RASEF: variants seen among roughly 807,000 people sequenced by gnomAD.
RASEF encodes RAS and EF-hand domain containing.
In RASEF, 68 loss-of-function variants were observed where a neutral mutation model predicts 90.1. The observed-to-expected ratio is 0.75, with a 90% CI of 0.62 to 0.92. RASEF has a LOEUF of 0.92. RASEF is among the 40% of genes least tolerant of loss of function. RASEF has a pLI of 0.00. For missense variants in RASEF, 949 were observed against 937.2 expected (o/e 1.01, Z -0.16); for synonymous variants, 331 against 345.2 (o/e 0.96, Z 0.46).
intron 16 of RASEF, 117 bp from the exon 17 acceptor site, chr9:82,982,899 G>A (rs1451896205): frequency 2.9e-6 from 2 of 697,740 alleles, no homozygotes; most frequent in East Asian, 2.6e-5. Context: ...CATGCTGAGT[G>A]TCTGCACGGC....
At chr9:83,082,736 G>A in the RASEF span, among the ~76,000 whole-genome samples, 3 of 152,178 alleles carry the variant, frequency 2.0e-5, no homozygotes, top group Non-Finnish European at 4.4e-5. Flanking sequence ...AATATATTAT[G>A]TCTCCCTTTC....
the RASEF span, among the ~76,000 whole-genome samples, chr9:83,109,957 C>A: frequency 6.6e-6 from 1 of 152,120 alleles, no homozygotes; most frequent in African/African-American, 2.4e-5. Context: ...TCCCATTTTC[C>A]AATTTTTGTA....
chr9:82,984,717 T>A (rs1587472334), intron 16 of RASEF, among the ~76,000 whole-genome samples: 1 of 152,180 alleles, frequency 6.6e-6, no homozygotes. Flanking sequence ...TATTTAAGCC[T>A]CTACATCTGT....
the RASEF span, among the ~76,000 whole-genome samples, chr9:83,123,563 C>T: frequency 7.0e-6 from 1 of 142,150 alleles, no homozygotes; most frequent in Non-Finnish European, 1.5e-5. Flanking sequence ...GCTTCCTCAG[C>T]CCATCCTCAG....
At chr9:82,999,252 T>C (rs1334934174) in intron 12 of RASEF, among the ~76,000 whole-genome samples, 1 of 152,246 alleles carries the variant, frequency 6.6e-6, no homozygotes, top group Non-Finnish European at 1.5e-5. Context: ...TCTATTGTTC[T>C]GTTGTGAAGG....
rs1828583415 is a variant in RASEF, at chr9:82,980,771, C to T, written c.*1906G>A. On this transcript the variant is annotated 3_prime_UTR_variant, in exon 17 of 17. Coordinates refer to ENST00000376447, the MANE Select transcript of RASEF (RefSeq NM_152573.4). ...TTTCCCATGCCACATAAATAATACCCCCCTTATTTTGAAAAATTTCCCATA... is the reference window on the plus strand; with the variant it reads ...TTTCCCATGCCACATAAATAATACCTCCCTTATTTTGAAAAATTTCCCATA... 1 of 152,104 alleles carries T rather than the reference C, an allele frequency of 6.6e-6. No homozygotes were observed. The highest frequency in any genetic ancestry group is 2.1e-4 in the South Asian group (1 of 4,826). The allele number at this position is 152,104 out of a possible 1,614,324, so 9.4% of individuals were successfully genotyped here.
At chr9:83,085,147 T>C in the RASEF span, among the ~76,000 whole-genome samples, 2 of 152,206 alleles carry the variant, frequency 1.3e-5, no homozygotes, top group South Asian at 4.1e-4. Context: ...AAGCCACAGC[T>C]ATCACCATAC....
chr9:83,065,081 CAAAACA>C (rs1830270658), upstream of RASEF, among the ~76,000 whole-genome samples: 1 of 152,064 alleles, frequency 6.6e-6, no homozygotes, highest in Non-Finnish European at 1.5e-5. Flanking sequence ...ACAAAAAACA[CAAAACA>C]AAAACAAAAA....
chr9:83,122,370 A>G, the RASEF span, among the ~76,000 whole-genome samples: 1 of 152,262 alleles, frequency 6.6e-6, no homozygotes, highest in Non-Finnish European at 1.5e-5. Flanking sequence ...AACTAATAAC[A>G]TAATGGGTGA....
chr9:83,090,463 G>A, the RASEF span, among the ~76,000 whole-genome samples: 1 of 151,788 alleles, frequency 6.6e-6, no homozygotes, highest in Non-Finnish European at 1.5e-5. Context: ...GAGTGCAGTG[G>A]TACAGTCTTG....
At chr9:83,038,406 A>G (rs893804908) in intron 1 of RASEF, among the ~76,000 whole-genome samples, 3 of 152,172 alleles carry the variant, frequency 2.0e-5, no homozygotes, top group Non-Finnish European at 4.4e-5. Context: ...TCAACTGCTG[A>G]TGTCAACAAT....
At chr9:83,151,168 T>C in the RASEF span, among the ~76,000 whole-genome samples, 1 of 152,186 alleles carries the variant, frequency 6.6e-6, no homozygotes, top group Admixed American at 6.6e-5. Flanking sequence ...CGCATAATGA[T>C]AATAAAAACA....
chr9:82,998,840 C>T (rs1040010993), intron 12 of RASEF, among the ~76,000 whole-genome samples: 4 of 151,912 alleles, frequency 2.6e-5, no homozygotes, highest in Non-Finnish European at 4.4e-5. Context: ...GGTGCAGATA[C>T]GTGTTTTGTG....
chr9:82,986,821 T>G lies in RASEF; in HGVS notation c.2117+3570A>C, dbSNP rs552993941. 2.6e-5 allele frequency among the ~76,000 whole-genome samples: 4 copies of G among 152,342 alleles called. No homozygotes were observed. In the East Asian group the frequency reaches 7.7e-4, roughly 29 times the overall value. On this transcript the variant is annotated intron_variant, in intron 16 of 16. Transcript: ENST00000376447. Reference sequence around the variant, plus strand: ...TTGAACTTGAATCTACTGCAAAATGTTTAAAGCCTGTGGTTCTGGTGATGG... The same window carrying G: ...TTGAACTTGAATCTACTGCAAAATGGTTAAAGCCTGTGGTTCTGGTGATGG...
At chr9:83,019,125 T>G (rs1829397691) in intron 3 of RASEF, among the ~76,000 whole-genome samples, 1 of 151,916 alleles carries the variant, frequency 6.6e-6, no homozygotes, top group East Asian at 1.9e-4. Flanking sequence ...AAAAGTATGG[T>G]CCATAAAAAA....
At chr9:83,095,994 G>T in the RASEF span, among the ~76,000 whole-genome samples, 1 of 152,162 alleles carries the variant, frequency 6.6e-6, no homozygotes, top group Admixed American at 6.5e-5. Flanking sequence ...TAATCTGTCA[G>T]CAACCACTCA....
At chr9:83,214,134 C>T in the RASEF span, among the ~76,000 whole-genome samples, 1 of 152,188 alleles carries the variant, frequency 6.6e-6, no homozygotes, top group African/African-American at 2.4e-5. Flanking sequence ...GTGGCTCACA[C>T]CTGTAACCCA....
chr9:83,081,231 G>A, the RASEF span, among the ~76,000 whole-genome samples: 6 of 152,090 alleles, frequency 3.9e-5, no homozygotes, highest in African/African-American at 1.4e-4. Flanking sequence ...ACATTCCAAA[G>A]CAATTCTTCT....
the RASEF span, among the ~76,000 whole-genome samples, chr9:83,072,011 C>T: frequency 6.6e-6 from 1 of 152,158 alleles, no homozygotes; most frequent in Non-Finnish European, 1.5e-5. Context: ...CTCCACCTCT[C>T]GATGCAGGAG....
Sources: gnomAD v4.1 joint callset for allele counts (sites outside exome capture counted in the v4.1 genomes callset) on GRCh38, gnomAD v4.1.1 for gene constraint, MANE v1.5 for transcripts, NCBI Gene and HGNC (gene_info 2026-07-23, HGNC 2026-07-21) for gene names.